The following NAGK variants were observed in gnomAD, a reference collection of about 807,000 sequenced individuals.
NAGK encodes N-acetylglucosamine kinase, also known as N-acetyl-D-glucosamine kinase.
NAGK carries 35 observed loss-of-function variants against 42.9 expected under a neutral mutation model. The ratio of observed to expected loss-of-function variants is 0.82; its 90% CI spans 0.62 to 1.08. The LOEUF is 1.08. Ranked by LOEUF, NAGK falls within the 50% of genes least tolerant of loss-of-function variation. The pLI is 0.00. For missense variants in NAGK, 446 were observed against 446.0 expected (o/e 1.00, Z 0.00); for synonymous variants, 172 against 176.0 (o/e 0.98, Z 0.18).
intron 1 of NAGK, chr2:71,068,997 G>C: frequency 2.5e-6 from 3 of 1,200,656 alleles, no homozygotes; most frequent in East Asian, 8.0e-5. Flanking sequence ...GCTGTCTTCA[G>C]CTGGAGAAGC....
intron 7 of NAGK, 78 bp from the exon 8 acceptor site, chr2:71,076,526 C>T: frequency 8.3e-7 from 1 of 1,208,640 alleles, no homozygotes; most frequent in South Asian, 1.4e-5. Context: ...GGCTGCCTTG[C>T]AACAGAGAGA....
chr2:71,079,537 T>C lies in NAGK; in HGVS notation c.*1029T>C, dbSNP rs1672332747. 1 of 152,256 alleles carries C rather than the reference T, an allele frequency of 6.6e-6. No individual in the cohort carries two copies. Among genetic ancestry groups the C allele is most frequent in the African/African-American group, 2.4e-5 (1 of 41,444 alleles). The allele number at this position is 152,256 out of a possible 1,614,324, so 9.4% of individuals were successfully genotyped here. The stretch of plus-strand genomic sequence containing the variant: ...TGGCTCACGCCTGTAATCCCAGCAC[T>C]TTGGGAGGCCGAGGCAGGTGGATCA... On this transcript the variant is annotated 3_prime_UTR_variant, in exon 10 of 10. Transcript: ENST00000244204.
intron 1 of NAGK, 153 bp downstream of exon 1, chr2:71,068,865 C>G (rs1239435456): frequency 7.3e-7 from 1 of 1,372,358 alleles, no homozygotes; most frequent in Non-Finnish European, 9.3e-7. Flanking sequence ...CAGGGGCGCC[C>G]TGGAGCGCAC....
rs1180927732 is a variant in NAGK, at chr2:71,078,498, C to G, written c.1025C>G (p.Thr342Ser). The G allele has an allele frequency of 4.5e-6, 7 of 1,546,810 alleles. No individual in the cohort carries two copies. The highest frequency in any genetic ancestry group is 2.4e-5 in the South Asian group (2 of 84,654). ...SANAIAFYSY[T>S]FS ...AATGCCATTGCCTTCTATTCCTACA[C>G]CTTTTCCTAGGGGGCTGGTCCCGGC... Residue 342 changes from threonine to serine, a missense_variant, in exon 10 of 10, where the codon ACC becomes AGC. By Grantham distance (58) the Thr-to-Ser change is moderately conservative (BLOSUM62 1). Transcript: ENST00000244204.
intron 4 of NAGK, 143 bp downstream of exon 4, chr2:71,071,970 T>A (rs1672030055): frequency 8.5e-7 from 1 of 1,178,848 alleles, no homozygotes; most frequent in African/African-American, 1.5e-5. Flanking sequence ...AGTTTAAGTC[T>A]CTGCCAGAGC....
Position 71,078,538 on chromosome 2 carries a change from G to C in NAGK, c.*30G>C, listed in dbSNP as rs535977627. 2.7e-6 allele frequency: 4 copies of C among 1,480,496 alleles called. No individual in the cohort carries two copies. The highest frequency in any genetic ancestry group is 2.7e-6 in the Non-Finnish European group (3 of 1,110,678). 91.7% of individuals were successfully genotyped at this position (1,480,496 alleles called of 1,614,324 possible). ...CTGGTCCCGGCTCCACCCCCTCCAA[G>C]CTCAGTGGACACTGGGTCTGAAAGG... On this transcript the variant is annotated 3_prime_UTR_variant, in exon 10 of 10. Coordinates refer to ENST00000244204, the MANE Select transcript of NAGK (RefSeq NM_017567.6).
rs916593786 is a variant in NAGK at position 71,079,130 on chromosome 2, G to T, written c.*622G>T. 6.6e-6 allele frequency: 1 copy of T among 152,406 alleles called. No individual in the cohort carries two copies. The highest frequency in any genetic ancestry group is 1.5e-5 in the Non-Finnish European group (1 of 68,208). 9.4% of individuals were successfully genotyped at this position (152,406 alleles called of 1,614,324 possible). A position where few individuals can be genotyped will look rare whatever the true frequency, so the allele number is the denominator to read the frequency against. On this transcript the variant is annotated 3_prime_UTR_variant, in exon 10 of 10. Transcript: ENST00000244204. ...TGAATGAGTTTTTGAAAGGTTATGA[G>T]GATGGCTGAGATCCAAGAAGACCAA...
chr2:71,078,921 A>G lies in NAGK; in HGVS notation c.*413A>G, dbSNP rs148579329. ...AAGTGGGTAACGATCCCTGGCGACC[A>G]CAGTCAGCAGAAACAAGTGCTCACC... On this transcript the variant is annotated 3_prime_UTR_variant, in exon 10 of 10. Coordinates refer to ENST00000244204, the MANE Select transcript of NAGK (RefSeq NM_017567.6). The G allele has an allele frequency of 4.4e-3, 720 of 163,668 alleles. 8 individuals are homozygous for G. The highest frequency in any genetic ancestry group is 0.016 in the African/African-American group (675 of 41,718). 10.1% of individuals were successfully genotyped at this position (163,668 alleles called of 1,614,324 possible).
intron 9 of NAGK, among the ~76,000 whole-genome samples, chr2:71,077,944 C>A (rs764465624): frequency 3.9e-5 from 6 of 152,208 alleles, no homozygotes; most frequent in Non-Finnish European, 8.8e-5. Context: ...ATGTGATAAC[C>A]TGGGGGACAT....
chr2:71,078,198 C>A, intron 9 of NAGK, 120 bp from the exon 10 acceptor site: 2 of 953,706 alleles, frequency 2.1e-6, no homozygotes, highest in Non-Finnish European at 3.2e-6. Context: ...GGCATGTAGG[C>A]CCCTCCAGCA....
At position 71,070,830 on chromosome 2, in the gene NAGK, G is replaced by A; in HGVS notation, c.204G>A (p.Leu68=). 1 of 1,614,198 alleles carries A rather than the reference G, an allele frequency of 6.2e-7. No homozygotes were observed. Among genetic ancestry groups the A allele is most frequent in the Non-Finnish European group, 8.5e-7 (1 of 1,180,012 alleles). Reference sequence around the variant, plus strand: ...CAGGGGTGGATCCTCTGGTACCGCTGCGAAGCTTGGTGAGTCTGGGGCGGA... The same window carrying A: ...CAGGGGTGGATCCTCTGGTACCGCTACGAAGCTTGGTGAGTCTGGGGCGGA... ...RKAGVDPLVP[L]RSLGLSLSGG... The change falls in exon 3 of 10, where the codon CTG becomes CTA. Residue 68 remains leucine (L), a synonymous_variant. Transcript: ENST00000244204.
At chr2:71,076,847 T>A in intron 8 of NAGK, 146 bp downstream of exon 8, 1 of 711,350 alleles carries the variant, frequency 1.4e-6, no homozygotes, top group South Asian at 1.9e-5. Flanking sequence ...CTGCAGAATG[T>A]CTGTAACAAA....
intron 6 of NAGK, 107 bp downstream of exon 6, chr2:71,073,701 G>A: frequency 1.1e-6 from 1 of 924,318 alleles, no homozygotes; most frequent in South Asian, 1.3e-5. Flanking sequence ...CAGGAAATAG[G>A]GTGAGTTGTG....
chr2:71,078,229 G>A (rs2302794), intron 9 of NAGK, 89 bp from the exon 10 acceptor site: 401,890 of 1,329,910 alleles, frequency 0.3, 61,884 homozygotes, highest in Middle Eastern at 0.38. Context: ...AGTACCTCAG[G>A]GTCTGGGCGT....
chr2:71,073,544 G>T lies in NAGK; in HGVS notation c.529G>T (p.Ala177Ser). Residue 177 changes from alanine (A) to serine (S), a missense_variant, in exon 6 of 10, where the codon GCT becomes TCT. Physicochemically the swap from Ala to Ser is moderately conservative, Grantham distance 99. Coordinates refer to ENST00000244204, the MANE Select transcript of NAGK (RefSeq NM_017567.6). ...VFDSIDNLEA[A>S]PHDIGYVKQA... ...TGACTCCATTGACAACCTAGAGGCG[G>T]CTCCTCATGATATCGGCTACGTCAA... 3 of 1,614,128 alleles carry T rather than the reference G, an allele frequency of 1.9e-6. No homozygotes were observed. Among genetic ancestry groups the T allele is most frequent in the Non-Finnish European group, 2.5e-6 (3 of 1,180,018 alleles).
upstream of NAGK, chr2:71,068,581 G>A (rs539494626): frequency 1.5e-4 from 222 of 1,520,082 alleles, no homozygotes; most frequent in African/African-American, 2.8e-3. Flanking sequence ...TGGCTGCGCG[G>A]GAGGTCACGG....
chr2:71,071,187 G>T (rs77575917), intron 3 of NAGK: 16,445 of 348,286 alleles, frequency 0.047, 1,926 homozygotes, highest in East Asian at 0.45. Flanking sequence ...TGTTGGGAAA[G>T]TAAAATGGCA....
upstream of NAGK, chr2:71,068,532 G>A (rs1391180355): frequency 6.2e-6 from 9 of 1,462,790 alleles, no homozygotes; most frequent in South Asian, 8.0e-5. Flanking sequence ...TCCTACCGGC[G>A]CCCCGCCCCG....
chr2:71,071,133 C>T (rs1671987863), intron 3 of NAGK: 2 of 416,648 alleles, frequency 4.8e-6, no homozygotes, highest in Non-Finnish European at 9.0e-6. Context: ...CTCTAAGCCT[C>T]AGTTTCCTCA....
Sources: gnomAD v4.1 joint callset for allele counts (sites outside exome capture counted in the v4.1 genomes callset) on GRCh38, gnomAD v4.1.1 for gene constraint, MANE v1.5 for transcripts, NCBI Gene and HGNC (gene_info 2026-07-23, HGNC 2026-07-21) for gene names.